Variants in TPR observed in about 807,000 individuals in gnomAD.
TPR encodes the protein translocated promoter region, nuclear basket protein.
Under a neutral mutation model 316.1 loss-of-function variants are expected in TPR, and 51 were observed. The observed-to-expected ratio is 0.16, with a 90% confidence interval of 0.13 to 0.20. The LOEUF (loss-of-function observed/expected upper bound fraction) is 0.20. TPR is among the 10% of genes least tolerant of loss of function. The probability of loss-of-function intolerance (pLI) is 1.00; values close to 1 mark genes in which losing one functional copy is unlikely to be tolerated. For synonymous variants in TPR, 981 were observed against 914.7 expected (o/e 1.07, Z -1.31); for missense variants, 2,272 against 2,754.8 (o/e 0.82, Z 3.92).
rs1657798330 is a variant in TPR, at chr1:186,322,405, T to C, written c.6374A>G (p.His2125Arg). 1 of 1,612,916 alleles carries C rather than the reference T, an allele frequency of 6.2e-7. No individual in the cohort carries two copies. Among genetic ancestry groups the C allele is most frequent in the Non-Finnish European group, 8.5e-7 (1 of 1,179,660 alleles). Residue 2125 changes from histidine to arginine, a missense_variant, in exon 45 of 51, where the codon CAT (histidine) becomes CGT (arginine). Physicochemically the swap from His to Arg is conservative, Grantham distance 29. Transcript: ENST00000367478. ...LTPGIGGMQQ[H>R]FFDDEDRTVP... ...TGTTCTGTCTTCATCATCAAAAAAA[T>C]GCTGTTGCTAAAACAAAGAAAACAG...
intron 19 of TPR, among the ~76,000 whole-genome samples, 178 bp downstream of exon 19, chr1:186,351,798 T>G (rs919147227): frequency 6.6e-6 from 1 of 152,126 alleles, no homozygotes; most frequent in Non-Finnish European, 1.5e-5. Flanking sequence ...TTTCAATCAA[T>G]TCTCTTTCAA....
chr1:186,331,737 T>C (rs547251210), intron 38 of TPR, among the ~76,000 whole-genome samples, 156 bp from the exon 39 acceptor site: 3 of 152,206 alleles, frequency 2.0e-5, no homozygotes, highest in African/African-American at 4.8e-5. Context: ...TATAATCACA[T>C]TCCTCCTCAG....
At chr1:186,335,246 T>C in intron 34 of TPR, 92 bp downstream of exon 34, 1 of 1,552,428 alleles carries the variant, frequency 6.4e-7, no homozygotes, top group South Asian at 1.2e-5. Flanking sequence ...TTAGCCAAAA[T>C]TCACTGACAA....
In TPR at chr1:186,327,538, T is replaced by C. The variant is rs752736018; in HGVS notation, c.5811A>G (p.Gln1937=). ...QQTTTSSQDG[Q]GKGDDVIVID... The stretch of plus-strand genomic sequence containing the variant: ...TTACAATGACATCATCTCCTTTGCC[T>C]TGACCATCCTGGGATGAAGTTGTCG... Residue 1937 remains glutamine (Q), a synonymous_variant, in exon 40 of 51, where the codon CAA becomes CAG. Transcript: ENST00000367478. 3.1e-6 allele frequency: 5 copies of C among 1,612,154 alleles called. No homozygotes were observed. In the Admixed American group the frequency reaches 8.4e-5, roughly 27 times the overall value.
Position 186,332,105 on chromosome 1 carries a change from C to A in TPR, c.5604+90G>T, listed in dbSNP as rs1242965410. On this transcript the variant is annotated intron_variant, in intron 38 of 50. Transcript: ENST00000367478. ...TTTTCCAGATAATATATTTTGGCCCCAAAAGGTTAATTTTCTTTAGGCTGT... is the reference window on the plus strand; with the variant it reads ...TTTTCCAGATAATATATTTTGGCCCAAAAAGGTTAATTTTCTTTAGGCTGT... 2.8e-6 allele frequency: 4 copies of A among 1,423,206 alleles called. No individual in the cohort carries two copies. The East Asian group carries it at 7.5e-5, about 27-fold the overall frequency. 88.2% of individuals were successfully genotyped at this position (1,423,206 alleles called of 1,614,324 possible).
intron 4 of TPR, 77 bp from the exon 5 acceptor site, chr1:186,363,522 G>C: frequency 9.9e-7 from 1 of 1,006,990 alleles, no homozygotes; most frequent in Non-Finnish European, 1.5e-6. Flanking sequence ...TATATTTCTA[G>C]GAATATAAAC....
rs1227218642 is a variant in TPR at position 186,311,815 on chromosome 1, C to T, written c.*2156G>A. 6 of 606,260 alleles carry T rather than the reference C, an allele frequency of 9.9e-6. No individual in the cohort carries two copies. Among genetic ancestry groups the T allele is most frequent in the Admixed American group, 3.1e-5 (1 of 32,478 alleles). 37.6% of individuals were successfully genotyped at this position (606,260 alleles called of 1,614,324 possible). A position where few individuals can be genotyped will look rare whatever the true frequency, so the allele number is the denominator to read the frequency against. On this transcript the variant is annotated 3_prime_UTR_variant, in exon 51 of 51. Coordinates refer to ENST00000367478, the MANE Select transcript of TPR (RefSeq NM_003292.3). The stretch of plus-strand genomic sequence containing the variant: ...ACAATTCATTTGAGTTTTCAGGTCA[C>T]TGATAGAATGTCATTTACTTTCGCT...
chr1:186,366,045 T>C (rs546059791), intron 4 of TPR, among the ~76,000 whole-genome samples: 3 of 152,378 alleles, frequency 2.0e-5, no homozygotes, highest in Non-Finnish European at 2.9e-5. Context: ...ATTTCTTTTA[T>C]GACATGGATC....
intron 29 of TPR, 98 bp from the exon 30 acceptor site, chr1:186,339,870 G>A: frequency 1.0e-6 from 1 of 995,704 alleles, no homozygotes; most frequent in South Asian, 2.4e-5. Context: ...TATATTAGGT[G>A]TCCTGCATGT....
intron 18 of TPR, among the ~76,000 whole-genome samples, chr1:186,352,447 A>G (rs923122806): frequency 6.6e-6 from 1 of 151,842 alleles, no homozygotes; most frequent in East Asian, 1.9e-4. Context: ...ATACCTGACT[A>G]CTATTAAATT....
At chr1:186,365,686 A>T (rs1223104669) in intron 4 of TPR, among the ~76,000 whole-genome samples, 1 of 152,246 alleles carries the variant, frequency 6.6e-6, no homozygotes, top group East Asian at 1.9e-4. Flanking sequence ...AGAAAAAGTT[A>T]TGAAAGCCAT....
rs747620778 is a variant in TPR, at chr1:186,312,288, C to T, written c.*1683G>A. 10 of 1,613,734 alleles carry T rather than the reference C, an allele frequency of 6.2e-6. No homozygotes were observed. The highest frequency in any genetic ancestry group is 1.3e-5 in the African/African-American group (1 of 74,908). ...AGAAACGACACAGGTTAGGAGACGT[C>T]GCTTTGAACGTGCTATAGGACCTTC... On this transcript the variant is annotated 3_prime_UTR_variant, in exon 51 of 51. Coordinates refer to ENST00000367478, the MANE Select transcript of TPR (RefSeq NM_003292.3).
At chr1:186,317,690 A>G in intron 48 of TPR, 90 bp from the exon 49 acceptor site, 2 of 1,212,950 alleles carry the variant, frequency 1.6e-6, no homozygotes, top group Non-Finnish European at 2.3e-6. Context: ...TTATCACTTA[A>G]GTAATCCAGA....
intron 45 of TPR, among the ~76,000 whole-genome samples, chr1:186,321,689 T>C (rs757146578): frequency 1.8e-4 from 28 of 152,224 alleles, no homozygotes; most frequent in Non-Finnish European, 1.8e-4. Flanking sequence ...TTCTTTCTCA[T>C]TAGTTGTTGA....
intron 49 of TPR, among the ~76,000 whole-genome samples, chr1:186,317,178 T>C (rs1421696005): frequency 1.3e-5 from 2 of 152,180 alleles, no homozygotes; most frequent in Non-Finnish European, 2.9e-5. Context: ...CTGTAGCACC[T>C]CTAAAAGACC....
intron 20 of TPR, 47 bp from the exon 21 acceptor site, chr1:186,350,435 C>CT (rs1321946130): frequency 1.4e-6 from 2 of 1,381,672 alleles, no homozygotes; most frequent in Non-Finnish European, 1.9e-6. Flanking sequence ...TCCTAAGTAA[C>CT]TAAAGGTTCA....
At chr1:186,317,393 G>T in intron 49 of TPR, 89 bp downstream of exon 49, 1 of 1,007,852 alleles carries the variant, frequency 9.9e-7, no homozygotes, top group South Asian at 1.4e-5. Flanking sequence ...CAGGAAAAAA[G>T]GATTATTAAT....
chr1:186,341,113 G>A lies in TPR; in HGVS notation c.3935C>T (p.Ala1312Val). 3 of 1,614,028 alleles carry A rather than the reference G, an allele frequency of 1.9e-6. No individual in the cohort carries two copies. Among genetic ancestry groups the A allele is most frequent in the Non-Finnish European group, 2.5e-6 (3 of 1,180,000 alleles). Residue 1312 changes from alanine to valine, a missense_variant, in exon 29 of 51, where the codon GCT (alanine) becomes GTT (valine). Transcript: ENST00000367478. ...CATACCGCTTTTCTCACTCAGCTCAGCATTTGCTTCTTGTAAGGGTAAAAT... is the reference window on the plus strand; with the variant it reads ...CATACCGCTTTTCTCACTCAGCTCAACATTTGCTTCTTGTAAGGGTAAAAT... ...LDILPLQEANAELSEKSGMLQ... is the reference protein window; with the variant it reads ...LDILPLQEANVELSEKSGMLQ...
chr1:186,359,820 A>G lies in TPR; in HGVS notation c.1368T>C (p.Val456=), dbSNP rs1021561416. ...CAACCTTCATAGCTTGTTCAAGCTT[A>G]ACAGATAAACTTGCTACAGCTTTCT... ...RAQKAVASLS[V]KLEQAMKEIQ... Residue 456 remains valine (V), a synonymous_variant, in exon 12 of 51, where the codon GTT becomes GTC. Transcript: ENST00000367478. 1.9e-6 allele frequency: 3 copies of G among 1,587,240 alleles called. No homozygotes were observed. Among genetic ancestry groups the G allele is most frequent in the Non-Finnish European group, 2.6e-6 (3 of 1,172,956 alleles).
Sources: allele counts gnomAD v4.1 joint callset (sites outside exome capture counted in the v4.1 genomes callset), GRCh38; gene constraint gnomAD v4.1.1; transcripts MANE v1.5; gene names NCBI Gene and HGNC (gene_info 2026-07-23, HGNC 2026-07-21).